The following PANK3 variants were observed in gnomAD, a reference collection of about 807,000 sequenced individuals.
PANK3 encodes hPanK3.
PANK3 carries 20 observed loss-of-function variants against 39.4 expected under a neutral mutation model. The observed-to-expected ratio is 0.51, with a 90% CI of 0.36 to 0.74. The LOEUF (loss-of-function observed/expected upper bound fraction) is 0.74, where lower values mean the gene tolerates loss of function less well. PANK3 is among the 30% of genes least tolerant of loss of function. PANK3 has a pLI of 0.00. For missense variants in PANK3, 265 were observed against 437.0 expected, an observed-to-expected ratio of 0.61 and a Z score of 3.51; for synonymous variants, 140 against 157.3, an observed-to-expected ratio of 0.89 and a Z score of 0.82.
rs1157485915 is a variant in PANK3, at chr5:168,556,533, C to G, written c.*1038G>C. Reference sequence around the variant, plus strand: ...CTCACCATTCCCTCTGGTTGTTGAGCCTTTGGATAAAAATCCACATGGCTA... The same window carrying G: ...CTCACCATTCCCTCTGGTTGTTGAGGCTTTGGATAAAAATCCACATGGCTA... On this transcript the variant is annotated 3_prime_UTR_variant, in exon 7 of 7. Coordinates refer to ENST00000239231, the MANE Select transcript of PANK3 (RefSeq NM_024594.4). 1 of 152,490 alleles carries G rather than the reference C, an allele frequency of 6.6e-6. No homozygotes were observed. The highest frequency in any genetic ancestry group is 6.6e-5 in the Admixed American group (1 of 15,256). 9.4% of individuals were successfully genotyped at this position (152,490 alleles called of 1,614,324 possible).
Position 168,569,005 on chromosome 5 carries a change from G to GTTGA in PANK3, c.29-8_29-7insTCAA. ...ATGCCAAACCATGGGAAAGCTATGG[G>GTTGA]AGGAAAAAAAAAAAAAAAAAAAAAA... On this transcript the variant is annotated splice_polypyrimidine_tract_variant and splice_region_variant and intron_variant, in intron 1 of 6. Transcript: ENST00000239231. The GTTGA allele has an allele frequency of 2.3e-6, 1 of 430,880 alleles. No homozygotes were observed. Among genetic ancestry groups the GTTGA allele is most frequent in the Non-Finnish European group, 3.1e-6 (1 of 317,744 alleles). The allele number at this position is 430,880 out of a possible 1,614,324, so 26.7% of individuals were successfully genotyped here.
intron 5 of PANK3, 65 bp from the exon 6 acceptor site, chr5:168,559,222 A>T: frequency 9.2e-7 from 1 of 1,086,472 alleles, no homozygotes; most frequent in Non-Finnish European, 1.3e-6. Flanking sequence ...AAAGGTTTCT[A>T]AATATTTATT....
intron 2 of PANK3, among the ~76,000 whole-genome samples, chr5:168,567,093 T>C (rs1759548311): frequency 6.6e-6 from 1 of 152,204 alleles, no homozygotes; most frequent in Non-Finnish European, 1.5e-5. Context: ...AACCACCACA[T>C]AAAGCAAGGG....
intron 4 of PANK3, among the ~76,000 whole-genome samples, chr5:168,562,170 C>T (rs552910981): frequency 9.9e-5 from 15 of 152,214 alleles, no homozygotes; most frequent in African/African-American, 3.4e-4. Flanking sequence ...ATACAAAAGA[C>T]AGCAAGAGAA....
chr5:168,557,705 C>T, intron 6 of PANK3, 84 bp from the exon 7 acceptor site: 1 of 1,069,256 alleles, frequency 9.4e-7, no homozygotes, highest in South Asian at 1.5e-5. Context: ...CACAACTATG[C>T]ACAATCTATT....
At chr5:168,569,343 C>T (rs1032659796) in intron 1 of PANK3, among the ~76,000 whole-genome samples, 10 of 150,946 alleles carry the variant, frequency 6.6e-5, no homozygotes, top group African/African-American at 2.4e-4. Flanking sequence ...CACCACCACG[C>T]CTGCCTAATT....
intron 1 of PANK3, among the ~76,000 whole-genome samples, chr5:168,578,206 A>C (rs1759758422): frequency 6.6e-6 from 1 of 152,188 alleles, no homozygotes; most frequent in South Asian, 2.1e-4. Flanking sequence ...CAATTTCCTC[A>C]CCTGTGAAGT....
At position 168,557,501 on chromosome 5, in the gene PANK3, G is replaced by C. The variant is rs1759367242; in HGVS notation, c.*70C>G. 2 of 1,340,030 alleles carry C rather than the reference G, an allele frequency of 1.5e-6. No individual in the cohort carries two copies. Among genetic ancestry groups the C allele is most frequent in the Middle Eastern group, 2.0e-4 (1 of 5,030 alleles). The allele number at this position is 1,340,030 out of a possible 1,614,324, so 83.0% of individuals were successfully genotyped here. ...CCTTTGGTTCCCAGTGACAAACAAT[G>C]CAGTAATAATGCCTCTGGTTTTAGT... On this transcript the variant is annotated 3_prime_UTR_variant, in exon 7 of 7. Transcript: ENST00000239231.
chr5:168,560,176 G>T (rs1197998577), intron 5 of PANK3, among the ~76,000 whole-genome samples: 1 of 152,158 alleles, frequency 6.6e-6, no homozygotes, highest in East Asian at 1.9e-4. Flanking sequence ...TCCCAACATG[G>T]TCTACTAGTA....
chr5:168,573,877 A>G (rs951505316), intron 1 of PANK3, among the ~76,000 whole-genome samples: 1 of 152,088 alleles, frequency 6.6e-6, no homozygotes, highest in Non-Finnish European at 1.5e-5. Flanking sequence ...ATAGTATTCC[A>G]TGGTGTGTAT....
chr5:168,563,975 A>G lies in PANK3; in HGVS notation c.726T>C (p.Asp242=), dbSNP rs148714306. ...GGACCAGCTTGTCAGCTTGTGTGCTATCACCTTTGGATGCCATTTCAAGAG... is the reference window on the plus strand; with the variant it reads ...GGACCAGCTTGTCAGCTTGTGTGCTGTCACCTTTGGATGCCATTTCAAGAG... The part of the protein sequence containing the change: ...EEALEMASKG[D]STQADKLVRD... Residue 242 remains aspartate, a synonymous_variant, in exon 4 of 7, where the codon GAT becomes GAC. Transcript: ENST00000239231. 4.4e-4 allele frequency: 703 copies of G among 1,613,856 alleles called. 3 individuals carry two copies. In the African/African-American group the frequency reaches 6.7e-3, roughly 15 times the overall value.
In PANK3 at chr5:168,568,810, A is replaced by T; in HGVS notation, c.217T>A (p.Leu73Ile). ...IRDVHLELKD[L>I]TLFGRRGNLH... ...TTCCCTCTTCGGCCAAAAAGTGTTAAATCTTTCAGTTCAAGGTGTACATCC... is the reference window on the plus strand; with the variant it reads ...TTCCCTCTTCGGCCAAAAAGTGTTATATCTTTCAGTTCAAGGTGTACATCC... Residue 73 changes from leucine (L) to isoleucine (I), a missense_variant, in exon 2 of 7, where the codon TTA becomes ATA. Coordinates refer to ENST00000239231, the MANE Select transcript of PANK3 (RefSeq NM_024594.4). The T allele has an allele frequency of 6.2e-7, 1 of 1,613,966 alleles. No individual in the cohort carries two copies. The highest frequency in any genetic ancestry group is 8.5e-7 in the Non-Finnish European group (1 of 1,179,996).
rs1451215051 is a variant in PANK3, at chr5:168,556,151, C to T, written c.*1420G>A. 1.3e-5 allele frequency: 2 copies of T among 152,182 alleles called. No homozygotes were observed. Among genetic ancestry groups the T allele is most frequent in the African/African-American group, 4.8e-5 (2 of 41,430 alleles). 9.4% of individuals were successfully genotyped at this position (152,182 alleles called of 1,614,324 possible). ...GGCTCAACCCCACTCCAGATTCAGG[C>T]AAGGGGAATAGGAAAGAAAGTGCGA... is the stretch of plus-strand genomic sequence containing the variant. On this transcript the variant is annotated 3_prime_UTR_variant, in exon 7 of 7. Coordinates refer to ENST00000239231, the MANE Select transcript of PANK3 (RefSeq NM_024594.4).
At chr5:168,566,290 CAAAA>C in intron 2 of PANK3, 24 bp from the exon 3 acceptor site, 1 of 1,547,466 alleles carries the variant, frequency 6.5e-7, no homozygotes, top group Non-Finnish European at 8.7e-7. Context: ...CAAACAAAAA[CAAAA>C]AAGGATGACA....
At position 168,559,059 on chromosome 5, in the gene PANK3, T is replaced by A; in HGVS notation, c.1035A>T (p.Gln345His). ...CATGTTCTAGAAACAATGCTTTTAG[T>A]TGACCTTTTGACCAGTAATCCAGTG... ...AYALDYWSKGQLKALFLEHEG... is the reference protein window; with the variant it reads ...AYALDYWSKGHLKALFLEHEG... The change falls in exon 6 of 7, where the codon CAA becomes CAT. Residue 345 changes from glutamine (Q) to histidine (H), a missense_variant. This residue lies in a region of PANK3 where 110 missense variants were observed against 161.2 expected (regional missense o/e 0.68). Coordinates refer to ENST00000239231, the MANE Select transcript of PANK3 (RefSeq NM_024594.4). 1 of 1,609,650 alleles carries A rather than the reference T, an allele frequency of 6.2e-7. No individual in the cohort carries two copies. Among genetic ancestry groups the A allele is most frequent in the East Asian group, 2.2e-5 (1 of 44,704 alleles).
chr5:168,569,030 A>AAAATATATATATAT (rs1554125888), intron 1 of PANK3, 32 bp from the exon 2 acceptor site: 14 of 120,314 alleles, frequency 1.2e-4, no homozygotes, highest in East Asian at 5.6e-4. Flanking sequence ...AAAAAAAAAA[A>AAAATATATATATAT]ATATATATAT....
At chr5:168,564,119 C>G in intron 3 of PANK3, 54 bp from the exon 4 acceptor site, 1 of 1,428,536 alleles carries the variant, frequency 7.0e-7, no homozygotes, top group Non-Finnish European at 9.4e-7. Context: ...TATTCTTTCT[C>G]TAAAGTAAAA....
intron 1 of PANK3, among the ~76,000 whole-genome samples, chr5:168,576,984 A>G (rs142082804): frequency 0.13 from 20,040 of 151,832 alleles, 1,778 homozygotes; most frequent in Non-Finnish European, 0.19. Flanking sequence ...GGTTCCAGCA[A>G]TTCTCCTGCC....
At chr5:168,564,989 C>T (rs1401945689) in intron 3 of PANK3, among the ~76,000 whole-genome samples, 1 of 152,158 alleles carries the variant, frequency 6.6e-6, no homozygotes, top group African/African-American at 2.4e-5. Flanking sequence ...TCCCTAGTCT[C>T]ATCTAAATTT....
Sources: gnomAD v4.1 joint callset for allele counts (sites outside exome capture counted in the v4.1 genomes callset) on GRCh38, gnomAD v4.1.1 for gene constraint, gnomAD v4.1.1 regional missense constraint, MANE v1.5 for transcripts, NCBI Gene and HGNC (gene_info 2026-07-23, HGNC 2026-07-21) for gene names.